Variants in NCOA1 observed in about 807,000 individuals in gnomAD.
The protein encoded by NCOA1 is Hin-2 protein.
In NCOA1, 35 loss-of-function variants were observed where a neutral mutation model predicts 150.9. The ratio of observed to expected loss-of-function variants is 0.23; its 90% CI spans 0.18 to 0.31. NCOA1 has a LOEUF of 0.31. NCOA1 is among the 10% of genes least tolerant of loss of function. The pLI is 1.00. For synonymous variants in NCOA1, 590 were observed against 630.0 expected (o/e 0.94, Z 0.95); for missense variants, 1,491 against 1,749.3 (o/e 0.85, Z 2.63).
intron 1 of NCOA1, among the ~76,000 whole-genome samples, chr2:24,557,292 T>C (rs979421444): frequency 3.9e-5 from 6 of 152,056 alleles, no homozygotes; most frequent in African/African-American, 7.2e-5. Flanking sequence ...TATAATAACT[T>C]TACAGCACTG....
intron 5 of NCOA1, among the ~76,000 whole-genome samples, chr2:24,660,963 A>T (rs1671159022): frequency 6.6e-6 from 1 of 152,094 alleles, no homozygotes; most frequent in African/African-American, 2.4e-5. Context: ...CAGAAGGCTG[A>T]GGCAGGAGAA....
intron 11 of NCOA1, among the ~76,000 whole-genome samples, chr2:24,702,795 C>G (rs767165221): frequency 3.3e-5 from 5 of 151,992 alleles, no homozygotes; most frequent in Non-Finnish European, 7.4e-5. Flanking sequence ...AGGCCAGGAC[C>G]TATAAACAAA....
At chr2:24,683,701 A>G (rs1276908524) in intron 8 of NCOA1, among the ~76,000 whole-genome samples, 1 of 152,072 alleles carries the variant, frequency 6.6e-6, no homozygotes, top group Non-Finnish European at 1.5e-5. Context: ...ATTCTTGTAA[A>G]GGCATGGATG....
At chr2:24,604,380 A>C (rs1252719221) in intron 3 of NCOA1, among the ~76,000 whole-genome samples, 1 of 152,198 alleles carries the variant, frequency 6.6e-6, no homozygotes, top group Non-Finnish European at 1.5e-5. Flanking sequence ...CTCCTCTCTA[A>C]CTATGAAAGT....
chr2:24,762,892 G>T (rs1303976323), intron 22 of NCOA1, 116 bp downstream of exon 22: 7 of 864,424 alleles, frequency 8.1e-6, no homozygotes, highest in South Asian at 7.5e-5. Flanking sequence ...GTGAGTCCTG[G>T]CTCTGCTCTT....
chr2:24,676,620 C>G (rs2148526820), intron 7 of NCOA1, among the ~76,000 whole-genome samples: 1 of 152,276 alleles, frequency 6.6e-6, no homozygotes, highest in Non-Finnish European at 1.5e-5. Flanking sequence ...TGGTTTGTAA[C>G]CAGGCTGAAA....
intron 3 of NCOA1, among the ~76,000 whole-genome samples, chr2:24,632,318 T>C (rs1669743548): frequency 6.6e-6 from 1 of 152,152 alleles, no homozygotes; most frequent in African/African-American, 2.4e-5. Flanking sequence ...ATAGTAGTAG[T>C]ATGTAACTCT....
intron 1 of NCOA1, among the ~76,000 whole-genome samples, chr2:24,564,062 AAG>A (rs1172278812): frequency 1.3e-5 from 2 of 152,206 alleles, no homozygotes; most frequent in Non-Finnish European, 2.9e-5. Context: ...GAGCTTTTAA[AAG>A]AGCCAGCAAC....
At chr2:24,635,049 G>A (rs1057439943) in intron 3 of NCOA1, among the ~76,000 whole-genome samples, 1 of 151,996 alleles carries the variant, frequency 6.6e-6, no homozygotes, top group African/African-American at 2.4e-5. Context: ...CTGAACTCTG[G>A]ATTGCACAGA....
At chr2:24,750,624 G>C (rs1332626124) in intron 19 of NCOA1, among the ~76,000 whole-genome samples, 1 of 152,166 alleles carries the variant, frequency 6.6e-6, no homozygotes, top group Non-Finnish European at 1.5e-5. Flanking sequence ...CCCCCAAAAA[G>C]CAAATCTTTT....
intron 2 of NCOA1, among the ~76,000 whole-genome samples, chr2:24,569,720 A>G (rs576977826): frequency 6.4e-4 from 97 of 151,684 alleles, no homozygotes; most frequent in African/African-American, 2.3e-3. Flanking sequence ...AAATACAAAA[A>G]TTAGCTGGGT....
At chr2:24,647,224 G>A (rs1670516673) in intron 4 of NCOA1, among the ~76,000 whole-genome samples, 1 of 152,106 alleles carries the variant, frequency 6.6e-6, no homozygotes, top group South Asian at 2.1e-4. Context: ...AAAGATTGGG[G>A]CTATATTGAT....
chr2:24,759,711 A>AT (rs1664681533), intron 21 of NCOA1, among the ~76,000 whole-genome samples: 1 of 152,070 alleles, frequency 6.6e-6, no homozygotes, highest in Non-Finnish European at 1.5e-5. Flanking sequence ...AAATGATACT[A>AT]TATCACCTCA....
At chr2:24,550,768 G>A (rs540107507) in intron 1 of NCOA1, among the ~76,000 whole-genome samples, 1 of 152,306 alleles carries the variant, frequency 6.6e-6, no homozygotes, top group South Asian at 2.1e-4. Flanking sequence ...CACTTGTTTT[G>A]TACAGTTTCC....
intron 3 of NCOA1, among the ~76,000 whole-genome samples, chr2:24,627,149 A>T (rs537614972): frequency 2.0e-4 from 24 of 121,954 alleles, no homozygotes; most frequent in African/African-American, 6.7e-4. Context: ...TTTTTAAGTT[A>T]AGGCTAGGTC....
intron 1 of NCOA1, among the ~76,000 whole-genome samples, chr2:24,557,433 A>AG (rs1163112499): frequency 1.4e-4 from 21 of 152,212 alleles, no homozygotes; most frequent in African/African-American, 4.1e-4. Flanking sequence ...GAACAAAGTA[A>AG]GAAAAAGTAG....
At chr2:24,746,758 A>C (rs150563094) in intron 19 of NCOA1, among the ~76,000 whole-genome samples, 5 of 152,210 alleles carry the variant, frequency 3.3e-5, no homozygotes, top group Admixed American at 1.3e-4. Flanking sequence ...AAATGAAACC[A>C]CTCTCTATGA....
At chr2:24,655,705 T>C (rs1456699562) in intron 4 of NCOA1, among the ~76,000 whole-genome samples, 4 of 152,298 alleles carry the variant, frequency 2.6e-5, no homozygotes, top group Non-Finnish European at 5.9e-5. Context: ...TGGGAAGCTA[T>C]TTTAGTAGTC....
intron 3 of NCOA1, among the ~76,000 whole-genome samples, chr2:24,619,112 C>T (rs1487604387): frequency 3.9e-5 from 6 of 152,276 alleles, no homozygotes; most frequent in South Asian, 4.1e-4. Context: ...ATTAACAGGA[C>T]GTTTCATAGT....
Sources: gnomAD v4.1 joint callset for allele counts (sites outside exome capture counted in the v4.1 genomes callset) on GRCh38, gnomAD v4.1.1 for gene constraint, MANE v1.5 for transcripts, NCBI Gene and HGNC (gene_info 2026-07-23, HGNC 2026-07-21) for gene names.